Variants in DGKG observed in about 807,000 individuals in gnomAD.
DGKG encodes DAG kinase gamma.
DGKG carries 78 observed loss-of-function variants against 105.3 expected under a neutral mutation model. The observed-to-expected ratio is 0.74, with a 90% CI of 0.62 to 0.89. The LOEUF (loss-of-function observed/expected upper bound fraction) is 0.89. Ranked by LOEUF, DGKG falls within the 40% of genes least tolerant of loss-of-function variation. The pLI, the probability that DGKG is intolerant of heterozygous loss-of-function variation, is 0.00. For missense variants in DGKG, 958 were observed against 1,020.1 expected (o/e 0.94, Z 0.83); for synonymous variants, 346 against 367.1 (o/e 0.94, Z 0.66).
chr3:186,229,529 G>A (rs1720031435), intron 20 of DGKG, among the ~76,000 whole-genome samples: 1 of 152,206 alleles, frequency 6.6e-6, no homozygotes, highest in African/African-American at 2.4e-5. Flanking sequence ...ACAGGCATGA[G>A]CCACTGCGCC....
chr3:186,247,620 G>C (rs1456880481), intron 19 of DGKG, among the ~76,000 whole-genome samples: 1 of 152,030 alleles, frequency 6.6e-6, no homozygotes, highest in Non-Finnish European at 1.5e-5. Flanking sequence ...GTTGCGTGTT[G>C]GTTACTTGTT....
rs1397840745 is a variant in DGKG at position 186,275,584 on chromosome 3, C to T, written c.873G>A (p.Met291Ile). The change falls in exon 10 of 25, where the codon ATG becomes ATA. Residue 291 changes from methionine to isoleucine, a missense_variant. Met to Ile is a conservative substitution (Grantham distance 10). This residue lies in a region of DGKG where 643 missense variants were observed against 619.5 expected (regional missense o/e 1.04). Transcript: ENST00000265022. ...GGCCTTGCTTGCGGACGCCCATGAG[C>T]ATGATATGGCAGAAGTTGCAGTAGG... is the stretch of plus-strand genomic sequence containing the variant. Reference protein sequence around the residue: ...KPTYCNFCHIMLMGVRKQGLC... With the variant: ...KPTYCNFCHIILMGVRKQGLC... 6.2e-7 allele frequency: 1 copy of T among 1,614,238 alleles called. No individual in the cohort carries two copies. Among genetic ancestry groups the T allele is most frequent in the South Asian group, 1.1e-5 (1 of 91,078 alleles).
chr3:186,161,200 G>GGTC, intron 24 of DGKG: 1 of 986,246 alleles, frequency 1.0e-6, no homozygotes, highest in Non-Finnish European at 1.2e-6. Context: ...GTGTAGATTT[G>GGTC]GCTTCCACGT....
intron 21 of DGKG, among the ~76,000 whole-genome samples, chr3:186,194,842 G>C (rs550095064): frequency 6.2e-5 from 9 of 145,504 alleles, no homozygotes; most frequent in African/African-American, 2.4e-4. Context: ...GGTGGCTCAT[G>C]CCTGTAATCG....
chr3:186,175,489 T>C (rs926527769), intron 22 of DGKG, among the ~76,000 whole-genome samples: 1 of 152,144 alleles, frequency 6.6e-6, no homozygotes, highest in Non-Finnish European at 1.5e-5. Context: ...GCTCTGTGCA[T>C]GAGGGTCAGG....
intron 22 of DGKG, among the ~76,000 whole-genome samples, chr3:186,174,846 A>C (rs1366740767): frequency 6.6e-6 from 1 of 152,202 alleles, no homozygotes; most frequent in East Asian, 1.9e-4. Context: ...TGCCCTTGCC[A>C]CACTGGCTTG....
At chr3:186,160,039 G>A (rs191001244) in intron 24 of DGKG, 33 of 374,530 alleles carry the variant, frequency 8.8e-5, no homozygotes, top group Admixed American at 1.3e-4. Flanking sequence ...AGAACTGTGA[G>A]AAAATAAATT....
chr3:186,294,688 C>T (rs1451201339), intron 5 of DGKG, among the ~76,000 whole-genome samples: 5 of 151,906 alleles, frequency 3.3e-5, no homozygotes, highest in Admixed American at 3.3e-4. Flanking sequence ...GAATATGCCT[C>T]CTCTAGTCCA....
intron 16 of DGKG, among the ~76,000 whole-genome samples, chr3:186,260,090 G>GT (rs1335052640): frequency 1.3e-5 from 2 of 152,182 alleles, no homozygotes; most frequent in African/African-American, 4.8e-5. Flanking sequence ...TGATGATTCA[G>GT]TATGAAGACA....
intron 20 of DGKG, among the ~76,000 whole-genome samples, chr3:186,218,587 G>A (rs1199548120): frequency 6.6e-6 from 1 of 150,686 alleles, no homozygotes; most frequent in Non-Finnish European, 1.5e-5. Flanking sequence ...AACTTGAGAT[G>A]ACACAATTCA....
intron 1 of DGKG, among the ~76,000 whole-genome samples, chr3:186,343,081 C>G (rs943491852): frequency 1.3e-5 from 2 of 151,930 alleles, no homozygotes; most frequent in African/African-American, 4.8e-5. Context: ...CACTATGGGC[C>G]AAAAAAAGTT....
intron 13 of DGKG, among the ~76,000 whole-genome samples, chr3:186,266,094 T>C (rs1420671652): frequency 6.6e-6 from 1 of 152,260 alleles, no homozygotes; most frequent in African/African-American, 2.4e-5. Context: ...TGCTCAAATC[T>C]AAATTGTACA....
In DGKG at chr3:186,226,205, C is replaced by T. The variant is rs949123541; in HGVS notation, c.1827-14320G>A. 6.6e-6 allele frequency among the ~76,000 whole-genome samples: 1 copy of T among 152,152 alleles called. No homozygotes were observed. Among genetic ancestry groups the T allele is most frequent in the Non-Finnish European group, 1.5e-5 (1 of 68,030 alleles). On this transcript the variant is annotated intron_variant, in intron 20 of 24. Transcript: ENST00000265022. The surrounding 1 kb of genome is among the most constrained non-coding windows in gnomAD (Gnocchi z 4.2). The stretch of plus-strand genomic sequence containing the variant: ...GATTATTGTGAATTTTAAGATTATA[C>T]CACCAAGGCTTGATTATTAAGGGAC...
chr3:186,308,079 AT>A (rs1724343648), intron 2 of DGKG, among the ~76,000 whole-genome samples: 1 of 152,036 alleles, frequency 6.6e-6, no homozygotes, highest in South Asian at 2.1e-4. Context: ...CCCCGCCATG[AT>A]TTCCCCTTAA....
At chr3:186,285,416 C>T (rs923017985) in intron 6 of DGKG, among the ~76,000 whole-genome samples, 1 of 152,162 alleles carries the variant, frequency 6.6e-6, no homozygotes, top group African/African-American at 2.4e-5. Flanking sequence ...TTACGGAAGC[C>T]ATCTTTTCCT....
intron 1 of DGKG, among the ~76,000 whole-genome samples, chr3:186,322,273 C>T (rs893409629): frequency 6.6e-6 from 1 of 152,174 alleles, no homozygotes; most frequent in African/African-American, 2.4e-5. Context: ...CTGTTCCTTG[C>T]AGCAACATGG....
At chr3:186,345,090 T>C (rs528014885) in intron 1 of DGKG, among the ~76,000 whole-genome samples, 10 of 152,332 alleles carry the variant, frequency 6.6e-5, no homozygotes, top group African/African-American at 2.4e-4. Context: ...TGTACATATT[T>C]CCATGGCCAT....
intron 19 of DGKG, among the ~76,000 whole-genome samples, chr3:186,243,946 G>T (rs1720813403): frequency 7.6e-6 from 1 of 131,168 alleles, no homozygotes; most frequent in South Asian, 2.3e-4. Context: ...GCCCAGGCTG[G>T]AGTGCAGTGG....
intron 1 of DGKG, among the ~76,000 whole-genome samples, chr3:186,325,574 A>C (rs1485272194): frequency 6.6e-6 from 1 of 152,148 alleles, no homozygotes; most frequent in Admixed American, 6.5e-5. Context: ...TAATTATTAC[A>C]ATGATACTGA....
Sources: gnomAD v4.1 joint callset for allele counts (sites outside exome capture counted in the v4.1 genomes callset) on GRCh38, gnomAD v4.1.1 for gene constraint, gnomAD v4.1.1 regional missense constraint, Gnocchi (gnomAD v3.1) non-coding constraint, MANE v1.5 for transcripts, NCBI Gene and HGNC (gene_info 2026-07-23, HGNC 2026-07-21) for gene names.